PLXNB3: variants seen among roughly 807,000 people sequenced by gnomAD.
PLXNB3 encodes plexin-B3.
PLXNB3 carries 80 observed loss-of-function variants against 125.7 expected under a neutral mutation model. The ratio of observed to expected loss-of-function variants is 0.64; its 90% CI spans 0.53 to 0.77. The LOEUF (loss-of-function observed/expected upper bound fraction) is 0.77. Ranked by LOEUF, PLXNB3 falls within the 30% of genes least tolerant of loss-of-function variation. The probability of loss-of-function intolerance (pLI) is 0.00; values close to 1 mark genes in which losing one functional copy is unlikely to be tolerated. For missense variants in PLXNB3, 1,836 were observed against 1,729.3 expected, an observed-to-expected ratio of 1.06 and a Z score of -1.09; for synonymous variants, 954 against 783.3, an observed-to-expected ratio of 1.22 and a Z score of -3.64.
In PLXNB3 at chrX:153,767,331, C is replaced by T. The variant is rs782676339; in HGVS notation, c.504C>T (p.Thr168=). The T allele has an allele frequency of 1.7e-5, 20 of 1,204,467 alleles. No individual in the cohort carries two copies. The highest frequency in any genetic ancestry group is 2.2e-5 in the Non-Finnish European group (20 of 892,124). The change falls in exon 3 of 36, where the codon ACC becomes ACT. Residue 168 remains threonine, a synonymous_variant. Coordinates refer to ENST00000361971, the MANE Select transcript of PLXNB3 (RefSeq NM_005393.3). ...PGDGQFVAAN[T]PGVATVGLVV... Reference sequence around the variant, plus strand: ...ACGGGCAGTTTGTGGCTGCCAATACCCCGGGAGTGGCAACGGTGGGGCTGG... The same window carrying T: ...ACGGGCAGTTTGTGGCTGCCAATACTCCGGGAGTGGCAACGGTGGGGCTGG...
chrX:153,772,910 C>A lies in PLXNB3; in HGVS notation c.2800C>A (p.Pro934Thr), dbSNP rs1557062498. 8.6e-7 allele frequency: 1 copy of A among 1,156,335 alleles called. No homozygotes were observed. Among genetic ancestry groups the A allele is most frequent in the Non-Finnish European group, 1.1e-6 (1 of 873,380 alleles). Residue 934 changes from proline (P) to threonine (T), a missense_variant, in exon 17 of 36, where the codon CCT (proline) becomes ACT (threonine). Transcript: ENST00000361971. ...GGACCCTGTCCTGCTGAGCCTGAGT[C>A]CTCGCTGGGGCCCCCAGGCAGGGGG... ...YQDPVLLSLS[P>T]RWGPQAGGTQ...
At position 153,771,386 on chromosome X, in the gene PLXNB3, A is replaced by G. The variant is rs2091927952; in HGVS notation, c.2330A>G (p.Asn777Ser). 8.3e-7 allele frequency: 1 copy of G among 1,208,393 alleles called. No homozygotes were observed. The highest frequency in any genetic ancestry group is 2.2e-5 in the Admixed American group (1 of 45,972). ...CAGGGTGAAGCCCAGAGGCTGGACA[A>G]CACCCATGCTCTTTATGGTGAGCCT... The part of the protein sequence containing the change: ...VTQGEAQRLD[N>S]THALYVILYD... Residue 777 changes from asparagine to serine, a missense_variant, in exon 13 of 36, where the codon AAC becomes AGC. Physicochemically the swap from Asn to Ser is conservative, Grantham distance 46. Transcript: ENST00000361971.
chrX:153,773,613 C>G lies in PLXNB3; in HGVS notation c.3179C>G (p.Ala1060Gly). 8.3e-7 allele frequency: 1 copy of G among 1,204,899 alleles called. No individual in the cohort carries two copies. Among genetic ancestry groups the G allele is most frequent in the Non-Finnish European group, 1.1e-6 (1 of 892,567 alleles). Reference protein sequence around the residue: ...VWLEADAEVQASRAQPQDPQP... With the variant: ...VWLEADAEVQGSRAQPQDPQP... The stretch of plus-strand genomic sequence containing the variant: ...CTGGAGGCTGACGCAGAGGTGCAGG[C>G]TTCCAGGGCCCAGCCCCAGGACCCA... Residue 1060 changes from alanine (A) to glycine (G), a missense_variant, in exon 19 of 36, where the codon GCT becomes GGT. By Grantham distance (60) the Ala-to-Gly change is moderately conservative. Coordinates refer to ENST00000361971, the MANE Select transcript of PLXNB3 (RefSeq NM_005393.3).
chrX:153,765,574 C>G lies in PLXNB3; in HGVS notation c.39C>G (p.His13Gln), dbSNP rs141960270. ...HAAQETPLLH[H>Q]FMAPVMARWP... Reference sequence around the variant, plus strand: ...CCCAGGAGACCCCTCTGCTGCACCACTTCATGGTAAGTGCCCAGGCCCGGT... The same window carrying G: ...CCCAGGAGACCCCTCTGCTGCACCAGTTCATGGTAAGTGCCCAGGCCCGGT... The change falls in exon 2 of 36, where the codon CAC becomes CAG. Residue 13 changes from histidine to glutamine, a missense_variant. Physicochemically the swap from His to Gln is conservative, Grantham distance 24. Coordinates refer to ENST00000361971, the MANE Select transcript of PLXNB3 (RefSeq NM_005393.3). 4.5e-4 allele frequency: 534 copies of G among 1,193,428 alleles called. No individual in the cohort carries two copies. Among genetic ancestry groups the G allele is most frequent in the Non-Finnish European group, 5.5e-4 (488 of 886,507 alleles).
chrX:153,769,886 C>T lies in PLXNB3; in HGVS notation c.1576C>T (p.Leu526=). The change falls in exon 7 of 36, where the codon CTG becomes TTG. Residue 526 remains leucine, a synonymous_variant. Coordinates refer to ENST00000361971, the MANE Select transcript of PLXNB3 (RefSeq NM_005393.3). ...GAGTTATGAGGAGGACAGCCACTGC[C>T]TGCACATCCAGAGCCTGCTGCCGGG... ...LWSYEEDSHC[L]HIQSLLPGHH... The T allele has an allele frequency of 8.3e-7, 1 of 1,209,083 alleles. No individual in the cohort carries two copies. Among genetic ancestry groups the T allele is most frequent in the Non-Finnish European group, 1.1e-6 (1 of 894,733 alleles).
chrX:153,774,664 C>A, intron 22 of PLXNB3, 42 bp from the exon 23 acceptor site: 1 of 1,148,848 alleles, frequency 8.7e-7, no homozygotes, highest in Non-Finnish European at 1.2e-6. Flanking sequence ...CTGGCTGATG[C>A]TGGCCCCGGC....
chrX:153,770,035 C>T (rs781892843), intron 7 of PLXNB3, 57 bp from the exon 8 acceptor site: 4 of 1,193,794 alleles, frequency 3.4e-6, no homozygotes, highest in African/African-American at 1.7e-5. Flanking sequence ...TCTCCCATGG[C>T]CTCTGCTGCC....
intron 34 of PLXNB3, 28 bp downstream of exon 34, chrX:153,778,499 G>C: frequency 8.3e-7 from 1 of 1,197,705 alleles, no homozygotes; most frequent in Non-Finnish European, 1.1e-6. Flanking sequence ...GGGTGCGCCT[G>C]TCCACACGTG....
intron 1 of PLXNB3, 91 bp from the exon 2 acceptor site, chrX:153,765,380 G>T: frequency 3.0e-6 from 2 of 667,631 alleles, no homozygotes; most frequent in Non-Finnish European, 4.5e-6. Flanking sequence ...GAGCCCGGTC[G>T]CTAGGCCCTG....
At chrX:153,775,198 C>G in intron 24 of PLXNB3, 27 bp from the exon 25 acceptor site, 1 of 1,155,073 alleles carries the variant, frequency 8.7e-7, no homozygotes. Flanking sequence ...TGGGGCTTCC[C>G]AGGATGAGCC....
rs5987154 is a variant in PLXNB3 at position 153,775,812 on chromosome X, G to A, written c.4402-75G>A. The A allele has an allele frequency of 1.0e-3, 1,125 of 1,121,039 alleles. 4 individuals are homozygous for A. The African/African-American group carries it at 0.017, about 17-fold the overall frequency. 92.4% of individuals were successfully genotyped at this position (1,121,039 alleles called of 1,213,427 possible). A position where few individuals can be genotyped will look rare whatever the true frequency, so the allele number is the denominator to read the frequency against. ...ACTTTGAACCCTCTCCGGGGCTGGA[G>A]ACGAGGCAGAGGCGAGAAGGGCTAT... On this transcript the variant is annotated intron_variant, in intron 26 of 35. Coordinates refer to ENST00000361971, the MANE Select transcript of PLXNB3 (RefSeq NM_005393.3).
chrX:153,770,603 C>A lies in PLXNB3; in HGVS notation c.1971C>A (p.His657Gln). The change falls in exon 10 of 36, where the codon CAC becomes CAA. Residue 657 changes from histidine to glutamine, a missense_variant. His to Gln is a conservative substitution (Grantham distance 24, BLOSUM62 0). Coordinates refer to ENST00000361971, the MANE Select transcript of PLXNB3 (RefSeq NM_005393.3). ...GTAGCCACTGCGTGTACGGAGAGCA[C>A]TGCCCAGAGGGCGAGAGGACCATCT... Reference protein sequence around the residue: ...PQSSHCVYGEHCPEGERTIYS... With the variant: ...PQSSHCVYGEQCPEGERTIYS... The A allele has an allele frequency of 1.7e-6, 2 of 1,211,443 alleles. No individual in the cohort carries two copies. Among genetic ancestry groups the A allele is most frequent in the Non-Finnish European group, 2.2e-6 (2 of 895,449 alleles).
chrX:153,776,242 C>A, intron 27 of PLXNB3, 28 bp downstream of exon 27: 3 of 1,109,692 alleles, frequency 2.7e-6, no homozygotes, highest in Non-Finnish European at 3.6e-6. Context: ...GCCCACCCAC[C>A]CCAGGGACCC....
In PLXNB3 at chrX:153,764,690, TC is replaced by T. The variant is rs781810133; in HGVS notation, c.-66+390del. On this transcript the variant is annotated intron_variant, in intron 1 of 35. Coordinates refer to ENST00000361971, the MANE Select transcript of PLXNB3 (RefSeq NM_005393.3). ...TGCTGTGGGGGAGGCAGAGACCCCA[TC>T]CCCAGTGCACCTGCTCCTGTGCCAC... is the stretch of plus-strand genomic sequence containing the variant. Among the ~76,000 whole-genome samples, 327 of 112,405 alleles carry T rather than the reference TC, an allele frequency of 2.9e-3. 1 individual carries two copies. The highest frequency in any genetic ancestry group is 5.3e-3 in the Non-Finnish European group (280 of 53,065).
Position 153,770,947 on chromosome X carries a change from G to C in PLXNB3, c.2137-18G>C. 8.3e-7 allele frequency: 1 copy of C among 1,208,805 alleles called. No homozygotes were observed. ...CTGCCAACAGCGTGTCCACACTCCT[G>C]ACAGCGTCCTTCCCCAGGGCCTGCC... On this transcript the variant is annotated intron_variant, in intron 11 of 35. Coordinates refer to ENST00000361971, the MANE Select transcript of PLXNB3 (RefSeq NM_005393.3).
chrX:153,773,742 C>A, intron 19 of PLXNB3, 29 bp downstream of exon 19: 1 of 1,170,425 alleles, frequency 8.5e-7, no homozygotes. Flanking sequence ...GGCGACAAGG[C>A]TGTCCCCGAC....
intron 5 of PLXNB3, 41 bp from the exon 6 acceptor site, chrX:153,769,121 A>C (rs368415779): frequency 1.5e-5 from 18 of 1,199,292 alleles, no homozygotes; most frequent in Non-Finnish European, 2.0e-5. Context: ...ACGCGGCCCA[A>C]GTCTCGTGCC....
rs2148420786 is a variant in PLXNB3, at chrX:153,770,833, G to C, written c.2086G>C (p.Gly696Arg). The C allele has an allele frequency of 1.7e-6, 2 of 1,209,383 alleles. No individual in the cohort carries two copies. Among genetic ancestry groups the C allele is most frequent in the Non-Finnish European group, 2.2e-6 (2 of 893,940 alleles). ...GLAGPHLVPV[G>R]WESHLALRVR... is the part of the protein sequence containing the mutation. Reference sequence around the variant, plus strand: ...GGCAGGTCCCCACCTGGTGCCTGTGGGCTGGGAGAGCCATTTGGCCCTACG... The same window carrying C: ...GGCAGGTCCCCACCTGGTGCCTGTGCGCTGGGAGAGCCATTTGGCCCTACG... The change falls in exon 11 of 36, where the codon GGC becomes CGC. Residue 696 changes from glycine to arginine, a missense_variant. Gly to Arg is a moderately radical substitution (Grantham distance 125). Transcript: ENST00000361971.
rs1557061385 is a variant in PLXNB3, at chrX:153,770,584, A to G, written c.1952A>G (p.His651Arg). The part of the protein sequence containing the change: ...WRCHWCPQSS[H>R]CVYGEHCPEG... ...TGTCACTGGTGCCCGCAGAGTAGCCACTGCGTGTACGGAGAGCACTGCCCA... is the reference window on the plus strand; with the variant it reads ...TGTCACTGGTGCCCGCAGAGTAGCCGCTGCGTGTACGGAGAGCACTGCCCA... Residue 651 changes from histidine to arginine, a missense_variant, in exon 10 of 36, where the codon CAC becomes CGC. His to Arg is a conservative substitution (Grantham distance 29, BLOSUM62 0). Transcript: ENST00000361971. 5.0e-6 allele frequency: 6 copies of G among 1,210,651 alleles called. No homozygotes were observed. In the Admixed American group the frequency reaches 8.7e-5, roughly 18 times the overall value.
Sources: gnomAD v4.1 joint callset for allele counts (sites outside exome capture counted in the v4.1 genomes callset) on GRCh38, gnomAD v4.1.1 for gene constraint, MANE v1.5 for transcripts, NCBI Gene and HGNC (gene_info 2026-07-23, HGNC 2026-07-21) for gene names.